The following NXPH1 variants were observed in gnomAD, a reference collection of about 807,000 sequenced individuals.
The protein encoded by NXPH1 is neurexophilin-1.
NXPH1 carries 5 observed loss-of-function variants against 23.7 expected under a neutral mutation model. The observed-to-expected ratio is 0.21, with a 90% CI of 0.11 to 0.44. The LOEUF (loss-of-function observed/expected upper bound fraction) is 0.44, where lower values mean the gene tolerates loss of function less well. Among genes scored for constraint, NXPH1 ranks in the 20% least tolerant of loss-of-function variants. The pLI, the probability that NXPH1 is intolerant of heterozygous loss-of-function variation, is 0.99. For synonymous variants in NXPH1, 144 were observed against 122.2 expected (o/e 1.18, Z -1.18); for missense variants, 324 against 321.6 (o/e 1.01, Z -0.06).
chr7:8,511,723 C>A (rs962825173), intron 2 of NXPH1, among the ~76,000 whole-genome samples: 4 of 152,088 alleles, frequency 2.6e-5, no homozygotes, highest in Admixed American at 2.0e-4. Context: ...CAGCAAATAA[C>A]AATTATTTCT....
intron 2 of NXPH1, among the ~76,000 whole-genome samples, chr7:8,683,000 C>T (rs1352857986): frequency 2.0e-5 from 3 of 152,202 alleles, no homozygotes; most frequent in African/African-American, 7.2e-5. Flanking sequence ...TTCTGTTTTG[C>T]ATTACCATAA....
chr7:8,576,976 C>T (rs189382902), intron 2 of NXPH1, among the ~76,000 whole-genome samples: 324 of 152,164 alleles, frequency 2.1e-3, no homozygotes, highest in Non-Finnish European at 3.5e-3. Context: ...TTTACTCAAG[C>T]ATCTGAGTTC....
At chr7:8,554,705 C>G (rs932868367) in intron 2 of NXPH1, among the ~76,000 whole-genome samples, 1 of 151,642 alleles carries the variant, frequency 6.6e-6, no homozygotes, top group African/African-American at 2.4e-5. Context: ...TTCCTGAATT[C>G]TTTGGCCTTT....
At chr7:8,655,598 TTATG>T (rs1375604511) in intron 2 of NXPH1, among the ~76,000 whole-genome samples, 2 of 62,332 alleles carry the variant, frequency 3.2e-5, no homozygotes, top group Admixed American at 2.3e-4. Flanking sequence ...GTGTGTATGT[TTATG>T]TGTGTGTGAT....
At chr7:8,476,017 A>C (rs1302526237) in intron 2 of NXPH1, among the ~76,000 whole-genome samples, 3 of 152,144 alleles carry the variant, frequency 2.0e-5, no homozygotes. Flanking sequence ...AGGTAGGGTG[A>C]ATCTGAAATG....
intron 2 of NXPH1, among the ~76,000 whole-genome samples, chr7:8,548,300 A>G (rs1322372935): frequency 6.6e-6 from 1 of 151,488 alleles, no homozygotes; most frequent in Admixed American, 6.6e-5. Flanking sequence ...CTTGGTTTCC[A>G]TGTTGGACAT....
chr7:8,649,921 T>A (rs1820463790), intron 2 of NXPH1, among the ~76,000 whole-genome samples: 1 of 152,132 alleles, frequency 6.6e-6, no homozygotes, highest in African/African-American at 2.4e-5. Context: ...TGTGATATCC[T>A]CTATATAGGT....
intron 2 of NXPH1, among the ~76,000 whole-genome samples, chr7:8,718,246 G>T (rs1779909982): frequency 6.6e-6 from 1 of 152,094 alleles, no homozygotes; most frequent in Non-Finnish European, 1.5e-5. Flanking sequence ...ATAGTTATGT[G>T]GCCTTCTAGC....
intron 2 of NXPH1, among the ~76,000 whole-genome samples, chr7:8,536,194 G>T (rs1818022666): frequency 6.6e-6 from 1 of 152,010 alleles, no homozygotes; most frequent in Non-Finnish European, 1.5e-5. Flanking sequence ...GGAGCTTGCA[G>T]ATAAGAAAAT....
chr7:8,524,241 CAAAAA>C (rs34744233), intron 2 of NXPH1, among the ~76,000 whole-genome samples: 6 of 73,710 alleles, frequency 8.1e-5, no homozygotes, highest in Admixed American at 3.5e-4. Flanking sequence ...GACTCTGTCT[CAAAAA>C]AAAAAAAAAA....
chr7:8,698,205 A>G (rs1322280852), intron 2 of NXPH1, among the ~76,000 whole-genome samples: 1 of 152,192 alleles, frequency 6.6e-6, no homozygotes. Context: ...CCAATATTCC[A>G]TGTGTTGTTT....
chr7:8,583,025 C>T (rs927893126), intron 2 of NXPH1, among the ~76,000 whole-genome samples: 3 of 152,234 alleles, frequency 2.0e-5, no homozygotes, highest in Non-Finnish European at 4.4e-5. Context: ...GGGCAGGTGG[C>T]TGGCATGTCA....
chr7:8,504,278 T>A (rs1290833245), intron 2 of NXPH1, among the ~76,000 whole-genome samples: 1 of 152,020 alleles, frequency 6.6e-6, no homozygotes, highest in Non-Finnish European at 1.5e-5. Flanking sequence ...AGATCACAAA[T>A]TCCTTGAAGA....
intron 2 of NXPH1, among the ~76,000 whole-genome samples, chr7:8,716,700 T>C (rs146228831): frequency 6.6e-6 from 1 of 152,338 alleles, no homozygotes; most frequent in Non-Finnish European, 1.5e-5. Context: ...GTTTCTAGGC[T>C]GATGAACAAT....
chr7:8,681,482 G>A (rs906418055), intron 2 of NXPH1, among the ~76,000 whole-genome samples: 6 of 151,968 alleles, frequency 3.9e-5, no homozygotes, highest in Non-Finnish European at 5.9e-5. Context: ...ACTCAGAGTG[G>A]GGAAAGTCCA....
intron 2 of NXPH1, among the ~76,000 whole-genome samples, chr7:8,732,525 C>G (rs1031195130): frequency 2.0e-5 from 3 of 152,192 alleles, no homozygotes; most frequent in Admixed American, 6.5e-5. Flanking sequence ...GAACACTTCT[C>G]TCTTCCTGAA....
intron 2 of NXPH1, among the ~76,000 whole-genome samples, chr7:8,712,233 C>A (rs945755953): frequency 6.6e-6 from 1 of 151,596 alleles, no homozygotes; most frequent in African/African-American, 2.4e-5. Flanking sequence ...ATTTCAGGAT[C>A]AGTTTTCTTT....
At chr7:8,529,016 T>C (rs1275473754) in intron 2 of NXPH1, among the ~76,000 whole-genome samples, 3 of 152,224 alleles carry the variant, frequency 2.0e-5, no homozygotes, top group Non-Finnish European at 4.4e-5. Flanking sequence ...AGTTCACCAG[T>C]TGTTGGCAGA....
intron 2 of NXPH1, among the ~76,000 whole-genome samples, chr7:8,738,664 T>A (rs1780305029): frequency 6.6e-6 from 1 of 152,228 alleles, no homozygotes; most frequent in Non-Finnish European, 1.5e-5. Flanking sequence ...CTGGGAGATC[T>A]GCTGCTCTAT....
Sources: gnomAD v4.1 joint callset for allele counts (sites outside exome capture counted in the v4.1 genomes callset) on GRCh38, gnomAD v4.1.1 for gene constraint, MANE v1.5 for transcripts, NCBI Gene and HGNC (gene_info 2026-07-23, HGNC 2026-07-21) for gene names.